Variants in DPH6 observed in about 807,000 individuals in gnomAD.
DPH6 encodes diphthamine biosynthesis 6, also known as diphthine--ammonia ligase.
In DPH6, 33 loss-of-function variants were observed where a neutral mutation model predicts 38.2. The observed-to-expected ratio is 0.86, with a 90% CI of 0.65 to 1.15. The LOEUF is 1.15. Among genes scored for constraint, DPH6 ranks in the 50% most tolerant of loss-of-function variants. The pLI, the probability that DPH6 is intolerant of heterozygous loss-of-function variation, is 0.00. For missense variants in DPH6, 325 were observed against 320.0 expected, an observed-to-expected ratio of 1.02 and a Z score of -0.12; for synonymous variants, 108 against 103.0, an observed-to-expected ratio of 1.05 and a Z score of -0.30.
rs575447255 is a variant in DPH6 at position 35,391,080 on chromosome 15, G to C, written c.568-9164C>G. 2.0e-5 allele frequency among the ~76,000 whole-genome samples: 3 copies of C among 152,292 alleles called. No homozygotes were observed. In the East Asian group the frequency reaches 5.8e-4, roughly 29 times the overall value. The stretch of plus-strand genomic sequence containing the variant: ...CTAACAGTCAGGACCCTCAGCTGCA[G>C]GTCTGTTGGACTTTACTGGAGGTCC... On this transcript the variant is annotated intron_variant, in intron 6 of 8. Transcript: ENST00000256538.
intron 3 of DPH6, among the ~76,000 whole-genome samples, chr15:35,290,083 G>T (rs1193128239): frequency 6.6e-6 from 1 of 152,178 alleles, no homozygotes; most frequent in Non-Finnish European, 1.5e-5. Flanking sequence ...GAAAGGTTTT[G>T]CAATGAACAC....
chr15:35,435,078 A>G (rs1356238280), intron 5 of DPH6, among the ~76,000 whole-genome samples: 3 of 152,068 alleles, frequency 2.0e-5, no homozygotes, highest in Non-Finnish European at 4.4e-5. Flanking sequence ...CTGGTCACTA[A>G]TGAGTTTTGG....
rs182338578 is a variant in DPH6 at position 35,360,378 on chromosome 15, T to A, written n.207+13143A>T. ...AACCATGGTCAAGCAAGGTTGGAGG[T>A]GGGTCACAAGAGGACTTCTGGGTCT... is the stretch of plus-strand genomic sequence containing the variant. On this transcript the variant is annotated intron_variant and non_coding_transcript_variant, in intron 3 of 3. Transcript: ENST00000558973. 2.3e-4 allele frequency among the ~76,000 whole-genome samples: 35 copies of A among 152,132 alleles called. No homozygotes were observed. In the East Asian group the frequency reaches 6.6e-3, roughly 29 times the overall value.
Position 35,299,053 on chromosome 15 carries a change from CTTCTATTT to C in DPH6, n.200+74460_200+74467del, listed in dbSNP as rs1461364583. The stretch of plus-strand genomic sequence containing the variant: ...CTGTATTTATGCCTTTCTTCTCTTT[CTTCTATTT>C]CTTCTGTCTTTCCAGCTCCCGCTGT... On this transcript the variant is annotated intron_variant and non_coding_transcript_variant, in intron 3 of 3. Coordinates refer to the DPH6 transcript ENST00000560386. 9 of 714,378 alleles carry C rather than the reference CTTCTATTT, an allele frequency of 1.3e-5. No homozygotes were observed. The African/African-American group carries it at 1.6e-4, about 13-fold the overall frequency. The allele number at this position is 714,378 out of a possible 1,614,324, so 44.3% of individuals were successfully genotyped here.
chr15:35,397,056 G>T (rs1487138179), intron 6 of DPH6, among the ~76,000 whole-genome samples: 1 of 152,222 alleles, frequency 6.6e-6, no homozygotes, highest in Non-Finnish European at 1.5e-5. Context: ...AATCTTTTAT[G>T]AGGTAGGGAA....
At chr15:35,510,343 A>G (rs2054752289) in intron 3 of DPH6, among the ~76,000 whole-genome samples, 1 of 152,184 alleles carries the variant, frequency 6.6e-6, no homozygotes, top group African/African-American at 2.4e-5. Flanking sequence ...TCTAATCACT[A>G]TGCAGGTTCT....
intron 3 of DPH6, among the ~76,000 whole-genome samples, chr15:35,311,130 T>G (rs982174273): frequency 6.6e-6 from 1 of 150,982 alleles, no homozygotes; most frequent in Non-Finnish European, 1.5e-5. Flanking sequence ...TAAAAGAGAT[T>G]GGAGAATTAT....
rs544244110 is a variant in DPH6 at position 35,463,147 on chromosome 15, C to T, written c.313-8327G>A. On this transcript the variant is annotated intron_variant, in intron 3 of 8. Coordinates refer to ENST00000256538, the MANE Select transcript of DPH6 (RefSeq NM_080650.4). ...TCAAACAGATATATACGAGTATGTG[C>T]GTGTGTGTGTGTAAAATTTGATAAA... 2.6e-4 allele frequency among the ~76,000 whole-genome samples: 39 copies of T among 151,498 alleles called. No homozygotes were observed. The Middle Eastern group carries it at 0.01, about 40-fold the overall frequency.
At chr15:35,451,750 A>C (rs940043948) in intron 4 of DPH6, among the ~76,000 whole-genome samples, 54 of 152,126 alleles carry the variant, frequency 3.5e-4, no homozygotes, top group Non-Finnish European at 2.5e-4. Flanking sequence ...GTGACTCACG[A>C]CTGTAATGCC....
intron 3 of DPH6, among the ~76,000 whole-genome samples, chr15:35,502,981 C>T (rs1443825): frequency 0.61 from 90,780 of 148,458 alleles, 32,131 homozygotes; most frequent in South Asian, 0.82. Context: ...TGTGCCTGGC[C>T]TCACTGATAT....
At chr15:35,502,949 C>A (rs971911571) in intron 3 of DPH6, among the ~76,000 whole-genome samples, 1 of 148,028 alleles carries the variant, frequency 6.8e-6, no homozygotes, top group Non-Finnish European at 1.5e-5. Flanking sequence ...TATATATACA[C>A]ACACACATAC....
chr15:35,224,894 T>A (rs1242800789), intron 3 of DPH6, among the ~76,000 whole-genome samples: 1 of 152,224 alleles, frequency 6.6e-6, no homozygotes, highest in Non-Finnish European at 1.5e-5. Flanking sequence ...CTCCCCAATG[T>A]TAACATCTTA....
chr15:35,185,151 A>G, the DPH6 span, among the ~76,000 whole-genome samples: 1 of 152,216 alleles, frequency 6.6e-6, no homozygotes, highest in Non-Finnish European at 1.5e-5. Context: ...TTATAGGTAC[A>G]TAAAACATGG....
rs113327623 is a variant in DPH6, at chr15:35,255,773, A to T, written n.201-35191T>A. 3.8e-3 allele frequency among the ~76,000 whole-genome samples: 572 copies of T among 151,820 alleles called. 6 individuals carry two copies. The highest frequency in any genetic ancestry group is 0.013 in the African/African-American group (552 of 41,506). ...TGTTAAATAACAAAATGAGTTTATT[A>T]GTTGGAGGGGAGCAGTTACTCCTAA... On this transcript the variant is annotated intron_variant and non_coding_transcript_variant, in intron 3 of 3. Coordinates refer to the DPH6 transcript ENST00000560386.
chr15:35,313,977 A>G (rs1230392969), intron 3 of DPH6, among the ~76,000 whole-genome samples: 2 of 152,200 alleles, frequency 1.3e-5, no homozygotes, highest in Non-Finnish European at 2.9e-5. Context: ...GCTTCTGCAC[A>G]GCAAAGACAA....
At chr15:35,423,027 T>C (rs2053525307) in intron 5 of DPH6, among the ~76,000 whole-genome samples, 1 of 151,884 alleles carries the variant, frequency 6.6e-6, no homozygotes, top group Admixed American at 6.6e-5. Flanking sequence ...AACATGTGAG[T>C]GCAGATATCT....
intron 7 of DPH6, among the ~76,000 whole-genome samples, chr15:35,378,420 G>A (rs909141264): frequency 3.3e-5 from 5 of 152,306 alleles, no homozygotes; most frequent in South Asian, 2.1e-4. Flanking sequence ...ACAGTGTGGC[G>A]ATTCCTCAAG....
intron 3 of DPH6, among the ~76,000 whole-genome samples, chr15:35,278,844 T>C (rs1290970192): frequency 1.3e-5 from 2 of 151,932 alleles, no homozygotes; most frequent in African/African-American, 4.8e-5. Flanking sequence ...GATCAGAAAA[T>C]TGAGACCATC....
At chr15:35,509,990 G>A (rs1443819) in intron 3 of DPH6, among the ~76,000 whole-genome samples, 151,443 of 152,300 alleles carry the variant, frequency 0.99, 75,303 homozygotes, top group Middle Eastern at 1. Flanking sequence ...CCAAGGCAGG[G>A]GGACTGCTTG....
Sources: allele counts gnomAD v4.1 joint callset (sites outside exome capture counted in the v4.1 genomes callset), GRCh38; gene constraint gnomAD v4.1.1; transcripts MANE v1.5; gene names NCBI Gene and HGNC (gene_info 2026-07-23, HGNC 2026-07-21).